The following TRPV1 variants were observed in gnomAD, a reference collection of about 807,000 sequenced individuals.
TRPV1 encodes the protein OTRPC1.
TRPV1 carries 82 observed loss-of-function variants against 82.3 expected under a neutral mutation model. That is an observed-to-expected ratio of 1.00 (90% CI 0.83 to 1.20). TRPV1 has a LOEUF of 1.20. TRPV1 is among the 50% of genes most tolerant of loss of function. The pLI, the probability that TRPV1 is intolerant of heterozygous loss-of-function variation, is 0.00. For missense variants in TRPV1, 1,067 were observed against 1,096.8 expected, an observed-to-expected ratio of 0.97 and a Z score of 0.38; for synonymous variants, 515 against 467.7, an observed-to-expected ratio of 1.10 and a Z score of -1.30.
At chr17:3,571,737 G>C (rs2074857072) in intron 15 of TRPV1, 98 bp from the exon 16 acceptor site, 2 of 934,774 alleles carry the variant, frequency 2.1e-6, no homozygotes, top group East Asian at 2.6e-5. Context: ...CACCCATCAG[G>C]ATGGAGATGT....
rs201491866 is a variant in TRPV1, at chr17:3,591,083, G to C, written c.485C>G (p.Ala162Gly). ...CTGTCCGTCGTGCAGGTTGAGCATG[G>C]CTTTCAGCAGACAGGTCTTCCCTGT... ...PETGKTCLLKAMLNLHDGQNT... is the reference protein window; with the variant it reads ...PETGKTCLLKGMLNLHDGQNT... The change falls in exon 5 of 17, where the codon GCC (alanine) becomes GGC (glycine). Residue 162 changes from alanine (A) to glycine (G), a missense_variant. By Grantham distance (60) the Ala-to-Gly change is moderately conservative. Transcript: ENST00000572705. The C allele has an allele frequency of 4.3e-6, 7 of 1,613,124 alleles. No homozygotes were observed. Among genetic ancestry groups the C allele is most frequent in the Non-Finnish European group, 5.1e-6 (6 of 1,179,602 alleles).
rs1351266666 is a variant in TRPV1 at position 3,583,379 on chromosome 17, T to A, written c.1435A>T (p.Ile479Phe). 1 of 1,610,736 alleles carries A rather than the reference T, an allele frequency of 6.2e-7. No homozygotes were observed. Among genetic ancestry groups the A allele is most frequent in the African/African-American group, 1.3e-5 (1 of 75,020 alleles). ...TAGACTCCTCCTAACACAGACAGGA[T>A]CTCTCCAGTAACTCGGAAATAGTCT... ...TGDYFRVTGE[I>F]LSVLGGVYFF... Residue 479 changes from isoleucine to phenylalanine, a missense_variant, in exon 10 of 17, where the codon ATC becomes TTC. By Grantham distance (21) the Ile-to-Phe change is conservative. Transcript: ENST00000572705.
rs867585108 is a variant in TRPV1 at position 3,588,282 on chromosome 17, G to C, written c.1130C>G (p.Pro377Arg). The change falls in exon 8 of 17, where the codon CCC (proline) becomes CGC (arginine). Residue 377 changes from proline (P) to arginine (R), a missense_variant. Coordinates refer to ENST00000572705, the MANE Select transcript of TRPV1 (RefSeq NM_080704.4). ...CAGGTCGTACAGCGAGGAGTGCACG[G>C]GCCCGTAGGCCCACTCGGTGAACTT... ...SRKFTEWAYG[P>R]VHSSLYDLSC... 6.3e-7 allele frequency: 1 copy of C among 1,577,804 alleles called. No individual in the cohort carries two copies. Among genetic ancestry groups the C allele is most frequent in the Admixed American group, 1.8e-5 (1 of 54,606 alleles).
Position 3,590,058 on chromosome 17 carries a change from C to A in TRPV1, c.793G>T (p.Val265Leu), listed in dbSNP as rs763916940. 5 of 1,597,684 alleles carry A rather than the reference C, an allele frequency of 3.1e-6. No homozygotes were observed. The highest frequency in any genetic ancestry group is 3.4e-6 in the Non-Finnish European group (4 of 1,172,822). ...LAACTNQLGI[V>L]KFLLQNSWQT... ...CAGGAGTTCTGCAGCAGGAACTTCA[C>A]GATGCCCAGCTGGTTGGTGCACGCG... Residue 265 changes from valine (V) to leucine (L), a missense_variant, in exon 7 of 17, where the codon GTG becomes TTG. Val to Leu is a conservative substitution (Grantham distance 32). Coordinates refer to ENST00000572705, the MANE Select transcript of TRPV1 (RefSeq NM_080704.4).
Position 3,572,240 on chromosome 17 carries a change from T to A in TRPV1, c.2113A>T (p.Thr705Ser). ...KNIWKLQRAI[T>S]ILDTEKSFLK... Reference sequence around the variant, plus strand: ...AAGCTCTTCTCCGTGTCCAGGATGGTGATGGCTCTCTGCAGGAAGACACCA... The same window carrying A: ...AAGCTCTTCTCCGTGTCCAGGATGGAGATGGCTCTCTGCAGGAAGACACCA... The change falls in exon 15 of 17, where the codon ACC (threonine) becomes TCC (serine). Residue 705 changes from threonine to serine, a missense_variant. By Grantham distance (58) the Thr-to-Ser change is moderately conservative. Coordinates refer to ENST00000572705, the MANE Select transcript of TRPV1 (RefSeq NM_080704.4). 1 of 1,609,038 alleles carries A rather than the reference T, an allele frequency of 6.2e-7. No homozygotes were observed. Among genetic ancestry groups the A allele is most frequent in the Non-Finnish European group, 8.5e-7 (1 of 1,177,846 alleles).
chr17:3,587,200 T>C (rs138266944), intron 8 of TRPV1, among the ~76,000 whole-genome samples: 48 of 152,302 alleles, frequency 3.2e-4, no homozygotes, highest in Non-Finnish European at 4.6e-4. Context: ...GGAACACTTG[T>C]ATCCAGCACT....
intron 8 of TRPV1, among the ~76,000 whole-genome samples, chr17:3,586,464 C>A (rs2075086348): frequency 6.6e-6 from 1 of 152,244 alleles, no homozygotes; most frequent in South Asian, 2.1e-4. Flanking sequence ...TGTCTCATAT[C>A]CAGAGACTTT....
At chr17:3,584,402 C>CAAAAAAAAAAA (rs1447579699) in intron 9 of TRPV1, among the ~76,000 whole-genome samples, 10 of 16,774 alleles carry the variant, frequency 6.0e-4, no homozygotes, top group African/African-American at 1.4e-3. Flanking sequence ...GACTCTGTCT[C>CAAAAAAAAAAA]AAAAAAAAAA....
chr17:3,569,200 G>A (rs938201326), intron 16 of TRPV1, among the ~76,000 whole-genome samples: 1 of 152,088 alleles, frequency 6.6e-6, no homozygotes, highest in African/African-American at 2.4e-5. Flanking sequence ...ACACCAACAT[G>A]GCACATGTAT....
Position 3,591,003 on chromosome 17 carries a change from C to A in TRPV1, c.565G>T (p.Glu189Ter). 6.2e-7 allele frequency: 1 copy of A among 1,610,524 alleles called. No homozygotes were observed. Among genetic ancestry groups the A allele is most frequent in the Non-Finnish European group, 8.5e-7 (1 of 1,178,736 alleles). The stretch of plus-strand genomic sequence containing the variant: ...TCCGTGTAGCTGGCGTTGACAAGCT[C>A]CTTCAGGCTGTCCGTTTGCCGCGCG... The part of the protein sequence containing the change: ...EIARQTDSLK[E>*]LVNASYTDSY... Residue 189 changes from glutamate (E) to a stop codon, truncating the protein, a stop_gained, in exon 5 of 17, where the codon GAG becomes TAG. Coordinates refer to ENST00000572705, the MANE Select transcript of TRPV1 (RefSeq NM_080704.4). LOFTEE classifies it high-confidence loss of function.
chr17:3,567,318 G>A (rs916255394), intron 16 of TRPV1, among the ~76,000 whole-genome samples: 2 of 141,622 alleles, frequency 1.4e-5, no homozygotes, highest in East Asian at 2.1e-4. Flanking sequence ...GCAGTGAGCC[G>A]AGATCGTGCC....
chr17:3,596,022 G>A (rs2075216600), intron 2 of TRPV1, among the ~76,000 whole-genome samples: 1 of 152,172 alleles, frequency 6.6e-6, no homozygotes, highest in Non-Finnish European at 1.5e-5. Context: ...AGTGATCAGG[G>A]GAACTTCTAC....
chr17:3,588,185 C>T lies in TRPV1; in HGVS notation c.1224+3G>A. The T allele has an allele frequency of 6.4e-7, 1 of 1,555,814 alleles. No homozygotes were observed. Among genetic ancestry groups the T allele is most frequent in the Non-Finnish European group, 8.7e-7 (1 of 1,149,420 alleles). ...CCTCCCTGGCTGTGCCCCAGCCACT[C>T]ACAGGGGTCTCGCTGCTGCTGTAGG... is the stretch of plus-strand genomic sequence containing the variant. On this transcript the variant is annotated splice_donor_region_variant and intron_variant, in intron 8 of 16. Transcript: ENST00000572705.
rs1194851587 is a variant in TRPV1, at chr17:3,599,619, CTTT to C, written c.-33-7239_-33-7237del. 2.0e-5 allele frequency among the ~76,000 whole-genome samples: 3 copies of C among 146,352 alleles called. No individual in the cohort carries two copies. In the East Asian group the frequency reaches 6.6e-4, roughly 32 times the overall value. On this transcript the variant is annotated intron_variant, in intron 2 of 16. Transcript: ENST00000572705. Reference sequence around the variant, plus strand: ...ATGTAGTAGCCTGTAAGAGAATTTCCTTTTTTTCTTTTCTTTTTTTTTTTTTCG... The same window carrying C: ...ATGTAGTAGCCTGTAAGAGAATTTCCTTTTCTTTTCTTTTTTTTTTTTTCG...
At chr17:3,590,692 G>A (rs1277160276) in intron 5 of TRPV1, among the ~76,000 whole-genome samples, 2 of 152,196 alleles carry the variant, frequency 1.3e-5, no homozygotes, top group Admixed American at 1.3e-4. Context: ...GACTTCCAGG[G>A]ACAGGGACCA....
At position 3,566,889 on chromosome 17, in the gene TRPV1, G is replaced by A. The variant is rs746916337; in HGVS notation, c.2446C>T (p.Arg816Ter). 1.2e-5 allele frequency: 20 copies of A among 1,613,852 alleles called. No homozygotes were observed. Among genetic ancestry groups the A allele is most frequent in the African/African-American group, 5.3e-5 (4 of 74,918 alleles). The change falls in exon 17 of 17, where the codon CGA becomes TGA. Residue 816 changes from arginine (R) to a stop codon, truncating the protein, a stop_gained. Transcript: ENST00000572705. LOFTEE classifies it high-confidence loss of function. ...QSAQPEEVYL[R>*]QFSGSLKPED... ...GGCTTCAGAGACCCTGAAAACTGTC[G>A]CAGATAAACTTCCTCGGGCTGAGCA...
chr17:3,595,124 A>G (rs1020590275), intron 2 of TRPV1, among the ~76,000 whole-genome samples: 4 of 152,180 alleles, frequency 2.6e-5, no homozygotes, highest in African/African-American at 2.4e-5. Context: ...AGCACTTAAA[A>G]GGCACCAGAA....
intron 9 of TRPV1, 75 bp from the exon 10 acceptor site, chr17:3,583,505 G>T: frequency 1.6e-6 from 2 of 1,220,988 alleles, no homozygotes; most frequent in Non-Finnish European, 2.4e-6. Context: ...GGTCCATGAA[G>T]CCATAGTCCC....
At chr17:3,573,995 G>A (rs1243867901) in intron 13 of TRPV1, 40 bp from the exon 14 acceptor site, 9 of 1,512,598 alleles carry the variant, frequency 6.0e-6, no homozygotes, top group South Asian at 1.3e-5. Context: ...CTGGATAGAA[G>A]CCAATATCCC....
Sources: allele counts gnomAD v4.1 joint callset (sites outside exome capture counted in the v4.1 genomes callset), GRCh38; gene constraint gnomAD v4.1.1; transcripts MANE v1.5; gene names NCBI Gene and HGNC (gene_info 2026-07-23, HGNC 2026-07-21).